Variants in NAT10 observed in about 807,000 individuals in gnomAD.
The protein encoded by NAT10 is N-acetyltransferase 10, also known as RNA cytidine acetyltransferase.
NAT10 carries 109 observed loss-of-function variants against 132.2 expected under a neutral mutation model. The observed-to-expected ratio is 0.82, with a 90% CI of 0.71 to 0.97. NAT10 has a LOEUF of 0.97. NAT10 is among the 50% of genes least tolerant of loss of function. The pLI, the probability that NAT10 is intolerant of heterozygous loss-of-function variation, is 0.00. For missense variants in NAT10, 1,184 were observed against 1,263.4 expected, an observed-to-expected ratio of 0.94 and a Z score of 0.95; for synonymous variants, 479 against 478.0, an observed-to-expected ratio of 1.00 and a Z score of -0.03.
chr11:34,132,777 C>T lies in NAT10; in HGVS notation c.1618-249C>T, dbSNP rs1406058263. Among the ~76,000 whole-genome samples, 4 of 152,184 alleles carry T rather than the reference C, an allele frequency of 2.6e-5. No individual in the cohort carries two copies. The East Asian group carries it at 5.8e-4, about 22-fold the overall frequency. Reference sequence around the variant, plus strand: ...TGAAATAAGTAGTGCTAAATAAATTCTCTTCTTCTGTCCAGCCTCAGTGCT... The same window carrying T: ...TGAAATAAGTAGTGCTAAATAAATTTTCTTCTTCTGTCCAGCCTCAGTGCT... On this transcript the variant is annotated intron_variant, in intron 15 of 28. Coordinates refer to ENST00000257829, the MANE Select transcript of NAT10 (RefSeq NM_024662.3).
rs757893540 is a variant in NAT10, at chr11:34,132,219, A to C, written c.1615A>C (p.Lys539Gln). ...LMALYVASHYKNSPNDLQMLS... is the reference protein window; with the variant it reads ...LMALYVASHYQNSPNDLQMLS... ...GGCCCTCTACGTGGCTTCTCACTAC[A>C]AGGTAACTGCAGCTAGCCCTTGTGT... The change falls in exon 15 of 29, where the codon AAG (lysine) becomes CAG (glutamine). Residue 539 changes from lysine (K) to glutamine (Q), a missense_variant and splice_region_variant. Physicochemically the swap from Lys to Gln is moderately conservative, Grantham distance 53. Coordinates refer to ENST00000257829, the MANE Select transcript of NAT10 (RefSeq NM_024662.3). The C allele has an allele frequency of 6.2e-7, 1 of 1,612,228 alleles. No homozygotes were observed. Among genetic ancestry groups the C allele is most frequent in the Non-Finnish European group, 8.5e-7 (1 of 1,178,302 alleles).
At chr11:34,115,297 C>T (rs1056267017) in intron 5 of NAT10, among the ~76,000 whole-genome samples, 3 of 152,170 alleles carry the variant, frequency 2.0e-5, no homozygotes, top group East Asian at 3.8e-4. Context: ...ACTTTGTGCT[C>T]ACATCAGTTT....
chr11:34,115,264 A>G (rs1387704719), intron 5 of NAT10, among the ~76,000 whole-genome samples: 4 of 152,308 alleles, frequency 2.6e-5, no homozygotes, highest in Admixed American at 2.6e-4. Flanking sequence ...AGCATTCCTT[A>G]GATAGTTGAG....
Position 34,132,236 on chromosome 11 carries a change from C to A in NAT10, c.1617+15C>A. The A allele has an allele frequency of 6.3e-7, 1 of 1,595,302 alleles. No individual in the cohort carries two copies. ...CTCACTACAAGGTAACTGCAGCTAG[C>A]CCTTGTGTGAATGGTAGCAGGGAGC... On this transcript the variant is annotated intron_variant, in intron 15 of 28. Transcript: ENST00000257829.
chr11:34,139,100 C>A, intron 21 of NAT10, 91 bp from the exon 22 acceptor site: 1 of 1,229,204 alleles, frequency 8.1e-7, no homozygotes, highest in Non-Finnish European at 1.2e-6. Flanking sequence ...AAGCACTAAG[C>A]CTTTCTTCTC....
chr11:34,108,979 C>A, intron 3 of NAT10, 146 bp downstream of exon 3: 1 of 649,488 alleles, frequency 1.5e-6, no homozygotes. Flanking sequence ...ATCCTTTCTT[C>A]ATTCCTGAAA....
intron 11 of NAT10, among the ~76,000 whole-genome samples, chr11:34,127,215 G>T (rs915135574): frequency 6.6e-5 from 10 of 152,188 alleles, no homozygotes; most frequent in African/African-American, 2.4e-4. Flanking sequence ...GGAGGAGTCT[G>T]AGGCACTGTG....
intron 24 of NAT10, 138 bp from the exon 25 acceptor site, chr11:34,140,951 A>C: frequency 1.7e-6 from 2 of 1,177,022 alleles, no homozygotes; most frequent in South Asian, 3.0e-5. Context: ...AGGATGAAAG[A>C]GAAGATGCCA....
At position 34,122,561 on chromosome 11, in the gene NAT10, GGATT is replaced by G. The variant is rs1851912898; in HGVS notation, c.885_888del (p.Leu296ArgfsTer51). On this transcript the variant is annotated frameshift_variant, in exon 9 of 29. Coordinates refer to ENST00000257829, the MANE Select transcript of NAT10 (RefSeq NM_024662.3). LOFTEE classifies it high-confidence loss of function. ...AGGACGGGGAAAATCTGCAGCCCTG[GGATT>G]GGCGATTGCTGGGGCGGTGGCATTT... 1 of 1,614,042 alleles carries G rather than the reference GGATT, an allele frequency of 6.2e-7. No homozygotes were observed. Among genetic ancestry groups the G allele is most frequent in the African/African-American group, 1.3e-5 (1 of 74,914 alleles).
chr11:34,137,101 G>T (rs375301299), intron 21 of NAT10, 75 bp downstream of exon 21: 116 of 1,495,326 alleles, frequency 7.8e-5, no homozygotes, highest in Non-Finnish European at 1.1e-4. Context: ...CTTGCAAAGA[G>T]CCCTAGTGCC....
At chr11:34,133,315 G>T (rs755287377) in intron 16 of NAT10, among the ~76,000 whole-genome samples, 173 bp downstream of exon 16, 2 of 152,130 alleles carry the variant, frequency 1.3e-5, no homozygotes, top group Non-Finnish European at 2.9e-5. Flanking sequence ...AGAGGTTAGC[G>T]CCACTAGACA....
chr11:34,140,399 G>A lies in NAT10; in HGVS notation c.2420-1G>A. ...TGTCTAGCTCTCTATCCCATGGACA[G>A]CCCTGAGCCGGGAGGAGCTGGAAGC... On this transcript the variant is annotated splice_acceptor_variant, in intron 23 of 28. Transcript: ENST00000257829. LOFTEE classifies it high-confidence loss of function. 1 of 1,613,068 alleles carries A rather than the reference G, an allele frequency of 6.2e-7. No individual in the cohort carries two copies. Among genetic ancestry groups the A allele is most frequent in the South Asian group, 1.1e-5 (1 of 91,052 alleles).
At chr11:34,140,247 C>A (rs1852296092) in intron 23 of NAT10, among the ~76,000 whole-genome samples, 153 bp from the exon 24 acceptor site, 1 of 152,212 alleles carries the variant, frequency 6.6e-6, no homozygotes, top group African/African-American at 2.4e-5. Context: ...ATGGCAGGAG[C>A]AGGTTTGGTG....
intron 24 of NAT10, among the ~76,000 whole-genome samples, chr11:34,140,783 G>A (rs2132980964): frequency 6.6e-6 from 1 of 152,288 alleles, no homozygotes; most frequent in East Asian, 1.9e-4. Flanking sequence ...GAGAGCTGCA[G>A]CTTCCACCCC....
At chr11:34,121,968 G>C in intron 8 of NAT10, among the ~76,000 whole-genome samples, 1 of 151,778 alleles carries the variant, frequency 6.6e-6, no homozygotes, top group Non-Finnish European at 1.5e-5. Flanking sequence ...CTGAGGTTAG[G>C]AGTTCGAGAC....
Position 34,135,198 on chromosome 11 carries a change from G to A in NAT10, c.1935G>A (p.Leu645=). Residue 645 remains leucine (L), a synonymous_variant, in exon 19 of 29, where the codon CTG becomes CTA. Transcript: ENST00000257829. ...YQGMGYGSRA[L]QLLQMYYEGR... ...AGATGGGCTATGGCAGCCGTGCTCT[G>A]CAGCTGCTGCAGATGTACTATGAAG... 2 of 1,614,024 alleles carry A rather than the reference G, an allele frequency of 1.2e-6. No homozygotes were observed. The highest frequency in any genetic ancestry group is 1.7e-6 in the Non-Finnish European group (2 of 1,179,900).
chr11:34,123,952 C>G, intron 10 of NAT10, 97 bp downstream of exon 10: 1 of 928,560 alleles, frequency 1.1e-6, no homozygotes, highest in Non-Finnish European at 1.7e-6. Flanking sequence ...GGCGGATCAC[C>G]TGAGGTCGGG....
intron 13 of NAT10, 79 bp downstream of exon 13, chr11:34,131,016 A>G: frequency 1.3e-6 from 2 of 1,560,418 alleles, no homozygotes; most frequent in Non-Finnish European, 1.7e-6. Flanking sequence ...CCCCTGTGAC[A>G]TCATGGGAAG....
rs1851631095 is a variant in NAT10 at position 34,108,247 on chromosome 11, A to G, written c.22A>G (p.Asn8Asp). 1.2e-6 allele frequency: 2 copies of G among 1,614,138 alleles called. No homozygotes were observed. Among genetic ancestry groups the G allele is most frequent in the Non-Finnish European group, 1.7e-6 (2 of 1,179,978 alleles). The change falls in exon 2 of 29, where the codon AAC (asparagine) becomes GAC (aspartate). Residue 8 changes from asparagine (N) to aspartate (D), a missense_variant. Physicochemically the swap from Asn to Asp is conservative, Grantham distance 23. Coordinates refer to ENST00000257829, the MANE Select transcript of NAT10 (RefSeq NM_024662.3). ...CACCATGCATCGGAAAAAGGTGGAT[A>G]ACCGAATCCGGATTCTCATTGAGAA... MHRKKVDNRIRILIENGV... is the reference protein window; with the variant it reads MHRKKVDDRIRILIENGV...
Sources: gnomAD v4.1 joint callset for allele counts (sites outside exome capture counted in the v4.1 genomes callset) on GRCh38, gnomAD v4.1.1 for gene constraint, MANE v1.5 for transcripts, NCBI Gene and HGNC (gene_info 2026-07-23, HGNC 2026-07-21) for gene names.